HSPG2: variants seen among roughly 807,000 people sequenced by gnomAD.
HSPG2 encodes heparan sulfate proteoglycan 2.
In HSPG2, 278 loss-of-function variants were observed where a neutral mutation model predicts 526.6. The ratio of observed to expected loss-of-function variants is 0.53; its 90% CI spans 0.48 to 0.58. The LOEUF (loss-of-function observed/expected upper bound fraction) is 0.58. Among genes scored for constraint, HSPG2 ranks in the 20% least tolerant of loss-of-function variants. The probability of loss-of-function intolerance (pLI) is 0.00; values close to 1 mark genes in which losing one functional copy is unlikely to be tolerated. For synonymous variants in HSPG2, 2,465 were observed against 2,555.4 expected, an observed-to-expected ratio of 0.96 and a Z score of 1.07; for missense variants, 5,354 against 6,099.5, an observed-to-expected ratio of 0.88 and a Z score of 4.07.
rs771522119 is a variant in HSPG2 at position 21,851,913 on chromosome 1, C to T, written c.6884G>A (p.Arg2295His). The T allele has an allele frequency of 3.7e-6, 6 of 1,602,470 alleles. No homozygotes were observed. Among genetic ancestry groups the T allele is most frequent in the Admixed American group, 1.7e-5 (1 of 57,730 alleles). The stretch of plus-strand genomic sequence containing the variant: ...AGGTGAGGCCTGGAAGATGTACAGG[C>T]GGGAGCCACGAACCTGGGCAGCCGT... ...LPARHQVRGS[R>H]LYIFQASPAD... Residue 2295 changes from arginine (R) to histidine (H), a missense_variant, in exon 54 of 97, where the codon CGC becomes CAC. Coordinates refer to ENST00000374695, the MANE Select transcript of HSPG2 (RefSeq NM_005529.7).
Position 21,836,857 on chromosome 1 carries a change from A to C in HSPG2, c.10300T>G (p.Phe3434Val). Residue 3434 changes from phenylalanine to valine, a missense_variant, in exon 75 of 97, where the codon TTC becomes GTC. By Grantham distance (50) the Phe-to-Val change is conservative. Transcript: ENST00000374695. Reference sequence around the variant, plus strand: ...GGAGGCAGCTGACCCCCTTCCTTGAACCAACGGAGCTGGGTACCCCGGTCG... The same window carrying C: ...GGAGGCAGCTGACCCCCTTCCTTGACCCAACGGAGCTGGGTACCCCGGTCG... Reference protein sequence around the residue: ...PSDRGTQLRWFKEGGQLPPGH... With the variant: ...PSDRGTQLRWVKEGGQLPPGH... 2 of 1,582,074 alleles carry C rather than the reference A, an allele frequency of 1.3e-6. No homozygotes were observed. Among genetic ancestry groups the C allele is most frequent in the Non-Finnish European group, 8.6e-7 (1 of 1,164,504 alleles).
At chr1:21,875,569 C>T in intron 25 of HSPG2, 60 bp downstream of exon 25, 2 of 1,286,148 alleles carry the variant, frequency 1.6e-6, no homozygotes, top group Admixed American at 1.7e-5. Flanking sequence ...CTGTACTGCA[C>T]CGCTTAGATG....
chr1:21,851,008 T>A (rs1638847650), intron 55 of HSPG2, among the ~76,000 whole-genome samples: 1 of 151,672 alleles, frequency 6.6e-6, no homozygotes, highest in Non-Finnish European at 1.5e-5. Flanking sequence ...AGTCTCGCTC[T>A]GTTGCCCAGG....
Position 21,852,711 on chromosome 1 carries a change from G to A in HSPG2, c.6713C>T (p.Ser2238Phe). ...EASVLVTIEA[S>F]VIPGPIPPVR... is the part of the protein sequence containing the mutation. ...TGGGAGTCACTCACCAGGGATGACA[G>A]AGGCTTCGATGGTGACCAGGACTGA... Residue 2238 changes from serine to phenylalanine, a missense_variant, in exon 52 of 97, where the codon TCT becomes TTT. Transcript: ENST00000374695. 1.2e-6 allele frequency: 2 copies of A among 1,613,504 alleles called. No homozygotes were observed. The highest frequency in any genetic ancestry group is 1.7e-6 in the Non-Finnish European group (2 of 1,180,034).
In HSPG2 at chr1:21,839,927, C is replaced by T. The variant is rs760284909; in HGVS notation, c.9604G>A (p.Val3202Met). 48 of 1,614,044 alleles carry T rather than the reference C, an allele frequency of 3.0e-5. No homozygotes were observed. The East Asian group carries it at 3.8e-4, about 13-fold the overall frequency. Reference protein sequence around the residue: ...GTAQKQVEVIVDTGAMAPGAP... With the variant: ...GTAQKQVEVIMDTGAMAPGAP... Reference sequence around the variant, plus strand: ...CCTGGGGCCATGGCGCCCGTGTCCACGATCACCTCCACCTGCTTCTGTGCT... The same window carrying T: ...CCTGGGGCCATGGCGCCCGTGTCCATGATCACCTCCACCTGCTTCTGTGCT... The change falls in exon 72 of 97, where the codon GTG becomes ATG. Residue 3202 changes from valine (V) to methionine (M), a missense_variant. Physicochemically the swap from Val to Met is conservative, Grantham distance 21 (BLOSUM62 1). Coordinates refer to ENST00000374695, the MANE Select transcript of HSPG2 (RefSeq NM_005529.7). The surrounding 1 kb of genome is among the most constrained non-coding windows in gnomAD (Gnocchi z 4.5).
intron 1 of HSPG2, among the ~76,000 whole-genome samples, chr1:21,922,595 A>G (rs887395415): frequency 3.9e-5 from 6 of 152,090 alleles, no homozygotes; most frequent in African/African-American, 1.2e-4. Context: ...GGCTTCTAGT[A>G]CCTGTCAGGG....
intron 66 of HSPG2, 34 bp downstream of exon 66, chr1:21,843,263 G>A: frequency 1.2e-6 from 2 of 1,613,488 alleles, no homozygotes; most frequent in East Asian, 2.2e-5. Context: ...CCGCGCCTGT[G>A]CTCTGGCATC....
chr1:21,876,688 T>C (rs757080241), intron 21 of HSPG2, 36 bp from the exon 22 acceptor site: 50 of 1,613,604 alleles, frequency 3.1e-5, no homozygotes, highest in Non-Finnish European at 4.1e-5. Context: ...GGACAGCCCA[T>C]GGGAGAGGCT....
At chr1:21,842,652 G>A (rs558256781) in intron 67 of HSPG2, 118 bp downstream of exon 67, 64 of 1,355,200 alleles carry the variant, frequency 4.7e-5, no homozygotes, top group South Asian at 7.3e-5. Context: ...TCCCGCAAAC[G>A]TATTTTATCC....
Position 21,873,936 on chromosome 1 carries a change from A to G in HSPG2, c.3732T>C (p.Arg1244=), listed in dbSNP as rs572839851. ...ACCCCCTGCCTCACCTCTCACAGTG[A>G]CGCCCACTGTGGCCTGGGGAGCACG... ...CDACSPGHSG[R]HCERCAPGYY... is the part of the protein sequence containing the mutation. The change falls in exon 29 of 97, where the codon CGT becomes CGC. Residue 1244 remains arginine (R), a synonymous_variant. Coordinates refer to ENST00000374695, the MANE Select transcript of HSPG2 (RefSeq NM_005529.7). 74 of 1,593,148 alleles carry G rather than the reference A, an allele frequency of 4.6e-5. No homozygotes were observed. Among genetic ancestry groups the G allele is most frequent in the Admixed American group, 3.0e-4 (17 of 57,412 alleles).
chr1:21,828,807 C>G lies in HSPG2; in HGVS notation c.12237+28G>C. The G allele has an allele frequency of 6.5e-7, 1 of 1,548,510 alleles. No homozygotes were observed. Among genetic ancestry groups the G allele is most frequent in the Non-Finnish European group, 8.7e-7 (1 of 1,146,238 alleles). On this transcript the variant is annotated intron_variant, in intron 88 of 96. Transcript: ENST00000374695. This position sits in a 1 kb window ranked among gnomAD's most constrained non-coding sequence, Gnocchi z 6.0. Reference sequence around the variant, plus strand: ...CACAAGGCTTGGCACCCCTCCCCTCCCGCTTGTCCCGAGGAGGCTGCTCTT... The same window carrying G: ...CACAAGGCTTGGCACCCCTCCCCTCGCGCTTGTCCCGAGGAGGCTGCTCTT...
chr1:21,822,448 C>T lies in HSPG2; in HGVS notation c.*868G>A, dbSNP rs545498337. On this transcript the variant is annotated 3_prime_UTR_variant, in exon 97 of 97. Transcript: ENST00000374695. ...CTCTCTCAGTCGTGAGTCCTGCCTT[C>T]CCCCACCTAAGGCACTAGCTCTTCC... The T allele has an allele frequency of 3.5e-6, 2 of 564,488 alleles. No individual in the cohort carries two copies. Among genetic ancestry groups the T allele is most frequent in the South Asian group, 2.1e-5 (1 of 47,484 alleles). 35.0% of individuals were successfully genotyped at this position (564,488 alleles called of 1,614,324 possible). A position where few individuals can be genotyped will look rare whatever the true frequency, so the allele number is the denominator to read the frequency against.
At position 21,833,536 on chromosome 1, in the gene HSPG2, C is replaced by G. The variant is rs2098013624; in HGVS notation, c.10909G>C (p.Gly3637Arg). Residue 3637 changes from glycine to arginine, a missense_variant, in exon 79 of 97, where the codon GGT becomes CGT. Transcript: ENST00000374695. The part of the protein sequence containing the change: ...MLPSVRPQDA[G>R]TYVCTATNRQ... ...TTAGTGGCGGTGCAGACGTAGGTAC[C>G]TGCGTCCTGGGGTCGGACTGAGGGC... 1.2e-6 allele frequency: 2 copies of G among 1,614,112 alleles called. No individual in the cohort carries two copies. The highest frequency in any genetic ancestry group is 2.7e-5 in the African/African-American group (2 of 75,028).
At position 21,852,795 on chromosome 1, in the gene HSPG2, G is replaced by A. The variant is rs946013860; in HGVS notation, c.6629C>T (p.Pro2210Leu). The part of the protein sequence containing the change: ...GSLLRLHQVT[P>L]ADSGEYVCHV... The stretch of plus-strand genomic sequence containing the variant: ...GCACACATACTCGCCTGAGTCGGCC[G>A]GGGTCACCTGGTGCAGCCGCAGCAG... Residue 2210 changes from proline (P) to leucine (L), a missense_variant, in exon 52 of 97, where the codon CCG (proline) becomes CTG (leucine). Physicochemically the swap from Pro to Leu is moderately conservative, Grantham distance 98. Coordinates refer to ENST00000374695, the MANE Select transcript of HSPG2 (RefSeq NM_005529.7). The A allele has an allele frequency of 1.4e-5, 23 of 1,612,784 alleles. No individual in the cohort carries two copies. The highest frequency in any genetic ancestry group is 2.2e-5 in the East Asian group (1 of 44,888).
intron 33 of HSPG2, chr1:21,870,736 C>CT (rs1640578012): frequency 1.4e-6 from 1 of 700,280 alleles, no homozygotes; most frequent in Non-Finnish European, 1.8e-6. Flanking sequence ...CCCCCAATGC[C>CT]TTGGGCACTG....
Position 21,887,690 on chromosome 1 carries a change from G to A in HSPG2, c.704-16C>T, listed in dbSNP as rs181560801. On this transcript the variant is annotated splice_polypyrimidine_tract_variant and intron_variant, in intron 7 of 96. Coordinates refer to ENST00000374695, the MANE Select transcript of HSPG2 (RefSeq NM_005529.7). This position sits in a 1 kb window ranked among gnomAD's most constrained non-coding sequence, Gnocchi z 5.0. ...ACTGGCTCCTCTGTGGATAGATTCC[G>A]CTTGGCATTTGGCAGAAGCAGATGG... 3.2e-5 allele frequency: 52 copies of A among 1,613,800 alleles called. No individual in the cohort carries two copies. The highest frequency in any genetic ancestry group is 1.3e-4 in the East Asian group (6 of 44,870).
intron 1 of HSPG2, among the ~76,000 whole-genome samples, chr1:21,912,556 G>A (rs1253305096): frequency 2.6e-5 from 4 of 152,256 alleles, no homozygotes; most frequent in African/African-American, 7.2e-5. Context: ...GAAGGGAAGT[G>A]AGCATGTTAT....
rs1638453733 is a variant in HSPG2, at chr1:21,846,558, A to G, written c.8206T>C (p.Ser2736Pro). 1 of 1,613,580 alleles carries G rather than the reference A, an allele frequency of 6.2e-7. No individual in the cohort carries two copies. Among genetic ancestry groups the G allele is most frequent in the African/African-American group, 1.3e-5 (1 of 74,944 alleles). The change falls in exon 63 of 97, where the codon TCA becomes CCA. Residue 2736 changes from serine to proline, a missense_variant. Transcript: ENST00000374695. The part of the protein sequence containing the change: ...SMPIRIESSS[S>P]HVAEGETLDL... ...AGGGTCTCCCCTTCGGCCACGTGTGAGGAGGATGACTCAATTCTGATGGGC... is the reference window on the plus strand; with the variant it reads ...AGGGTCTCCCCTTCGGCCACGTGTGGGGAGGATGACTCAATTCTGATGGGC...
chr1:21,873,483 T>G, intron 29 of HSPG2, 59 bp from the exon 30 acceptor site: 1 of 1,519,010 alleles, frequency 6.6e-7, no homozygotes, highest in Admixed American at 1.7e-5. Context: ...ACCCCAGGGC[T>G]GGGCTGAGGG....
Sources: gnomAD v4.1 joint callset for allele counts (sites outside exome capture counted in the v4.1 genomes callset) on GRCh38, gnomAD v4.1.1 for gene constraint, Gnocchi (gnomAD v3.1) non-coding constraint, MANE v1.5 for transcripts, NCBI Gene and HGNC (gene_info 2026-07-23, HGNC 2026-07-21) for gene names.